Variants in NRDE2 observed in about 807,000 individuals in gnomAD.
NRDE2 encodes NRDE-2, necessary for RNA interference, domain containing, also known as nuclear exosome regulator NRDE2.
NRDE2 carries 76 observed loss-of-function variants against 124.2 expected under a neutral mutation model. The ratio of observed to expected loss-of-function variants is 0.61; its 90% CI spans 0.51 to 0.74. The LOEUF (loss-of-function observed/expected upper bound fraction) is 0.74, where lower values mean the gene tolerates loss of function less well. NRDE2 is among the 30% of genes least tolerant of loss of function. The pLI, the probability that NRDE2 is intolerant of heterozygous loss-of-function variation, is 0.00. For synonymous variants in NRDE2, 489 were observed against 528.1 expected, an observed-to-expected ratio of 0.93 and a Z score of 1.01; for missense variants, 1,314 against 1,417.3, an observed-to-expected ratio of 0.93 and a Z score of 1.17.
intron 3 of NRDE2, among the ~76,000 whole-genome samples, chr14:90,314,492 G>A (rs1168120597): frequency 3.3e-5 from 5 of 152,196 alleles, no homozygotes; most frequent in Non-Finnish European, 7.3e-5. Context: ...TCAAGAGGCT[G>A]TAAAGATTCC....
At chr14:90,308,120 T>G (rs990971538) in intron 4 of NRDE2, among the ~76,000 whole-genome samples, 8 of 152,174 alleles carry the variant, frequency 5.3e-5, no homozygotes, top group African/African-American at 1.9e-4. Context: ...AATTATTATT[T>G]TTATCAAAGT....
In NRDE2 at chr14:90,270,453, G is replaced by A; in HGVS notation, c.*7883C>T. On this transcript the variant is annotated 3_prime_UTR_variant, in exon 14 of 14. Coordinates refer to ENST00000354366, the MANE Select transcript of NRDE2 (RefSeq NM_017970.4). ...GATGGTGGTTGGCCTGGACAGGTGG[G>A]TGTCTGTATTTTAATCATCATATTG... 1 of 1,307,236 alleles carries A rather than the reference G, an allele frequency of 7.6e-7. No homozygotes were observed. The highest frequency in any genetic ancestry group is 2.5e-5 in the East Asian group (1 of 39,578). The allele number at this position is 1,307,236 out of a possible 1,614,324, so 81.0% of individuals were successfully genotyped here. A position where few individuals can be genotyped will look rare whatever the true frequency, so the allele number is the denominator to read the frequency against.
chr14:90,304,453 T>A, intron 4 of NRDE2, 71 bp from the exon 5 acceptor site: 3 of 1,165,338 alleles, frequency 2.6e-6, no homozygotes, highest in Non-Finnish European at 3.6e-6. Context: ...AAAGGCGCAT[T>A]AGACCTAAAC....
At chr14:90,282,793 G>A (rs546824547) in intron 12 of NRDE2, among the ~76,000 whole-genome samples, 1 of 152,076 alleles carries the variant, frequency 6.6e-6, no homozygotes, top group African/African-American at 2.4e-5. Flanking sequence ...TTAGCCTCCC[G>A]AGTAGCTGGG....
intron 10 of NRDE2, 89 bp from the exon 11 acceptor site, chr14:90,289,234 AG>A: frequency 9.4e-7 from 1 of 1,061,524 alleles, no homozygotes; most frequent in Non-Finnish European, 1.4e-6. Context: ...ACAGGAAAAA[AG>A]GCGTCTACGC....
intron 1 of NRDE2, among the ~76,000 whole-genome samples, chr14:90,321,565 AAAAG>A (rs1885243648): frequency 6.6e-6 from 1 of 151,500 alleles, no homozygotes. Flanking sequence ...AAAAAAAAAA[AAAAG>A]AAAAGAAAAA....
intron 8 of NRDE2, among the ~76,000 whole-genome samples, chr14:90,295,797 CCTTT>C (rs1459968943): frequency 1.3e-5 from 2 of 152,156 alleles, no homozygotes; most frequent in African/African-American, 2.4e-5. Context: ...AAATTTTCAG[CCTTT>C]CTTTTGACCC....
At position 90,306,025 on chromosome 14, in the gene NRDE2, T is replaced by C. The variant is rs535371189; in HGVS notation, c.558-1643A>G. On this transcript the variant is annotated intron_variant, in intron 4 of 13. Coordinates refer to ENST00000354366, the MANE Select transcript of NRDE2 (RefSeq NM_017970.4). ...GCATCAAAAAAATAGGATGGGCTGA[T>C]GGATGGACACATATGACAAAACAAG... 5.3e-5 allele frequency among the ~76,000 whole-genome samples: 8 copies of C among 152,316 alleles called. No homozygotes were observed. The South Asian group carries it at 1.2e-3, about 24-fold the overall frequency.
chr14:90,308,620 A>G (rs1884705854), intron 4 of NRDE2, among the ~76,000 whole-genome samples: 1 of 152,148 alleles, frequency 6.6e-6, no homozygotes, highest in Admixed American at 6.5e-5. Context: ...GTCAAATCCT[A>G]ACCGTTCACC....
intron 9 of NRDE2, among the ~76,000 whole-genome samples, chr14:90,291,547 C>T (rs1040753590): frequency 2.0e-5 from 3 of 152,198 alleles, no homozygotes; most frequent in African/African-American, 7.2e-5. Flanking sequence ...GTGAACTCTA[C>T]AAAATCCTCA....
Position 90,289,157 on chromosome 14 carries a change from AAG to A in NRDE2, c.2230-14_2230-13del. 6.3e-7 allele frequency: 1 copy of A among 1,581,368 alleles called. No individual in the cohort carries two copies. Among genetic ancestry groups the A allele is most frequent in the Non-Finnish European group, 8.6e-7 (1 of 1,158,530 alleles). ...AGGCACCAAATGACCTACAGGGAAA[AAG>A]AGAAGAATGACTGCAGGTGCTCTGT... On this transcript the variant is annotated splice_polypyrimidine_tract_variant and intron_variant, in intron 10 of 13. Transcript: ENST00000354366.
At chr14:90,286,631 G>A in intron 11 of NRDE2, 139 bp from the exon 12 acceptor site, 3 of 1,108,688 alleles carry the variant, frequency 2.7e-6, no homozygotes, top group Non-Finnish European at 3.8e-6. Context: ...CTCAGGCGTA[G>A]AGCGCTGTGT....
At chr14:90,286,677 C>T (rs1185575287) in intron 11 of NRDE2, among the ~76,000 whole-genome samples, 185 bp from the exon 12 acceptor site, 1 of 152,196 alleles carries the variant, frequency 6.6e-6, no homozygotes. Flanking sequence ...AGGCACAGGC[C>T]AGAGTTCTGT....
At chr14:90,295,325 G>GTA (rs1313642618) in intron 8 of NRDE2, among the ~76,000 whole-genome samples, 1 of 152,014 alleles carries the variant, frequency 6.6e-6, no homozygotes, top group Non-Finnish European at 1.5e-5. Flanking sequence ...AATATATTGT[G>GTA]TATATTAGCA....
chr14:90,318,672 C>T (rs192987629), intron 1 of NRDE2, among the ~76,000 whole-genome samples: 122 of 152,066 alleles, frequency 8.0e-4, no homozygotes, highest in Middle Eastern at 3.4e-3. Context: ...TGGTAGCACA[C>T]GCCTGTAATC....
chr14:90,283,921 C>T (rs977545292), intron 12 of NRDE2, among the ~76,000 whole-genome samples: 1 of 152,066 alleles, frequency 6.6e-6, no homozygotes, highest in African/African-American at 2.4e-5. Flanking sequence ...CCGTGTTAGC[C>T]AAGATGGTCT....
chr14:90,324,620 G>A (rs187396687), intron 1 of NRDE2, among the ~76,000 whole-genome samples: 1 of 149,606 alleles, frequency 6.7e-6, no homozygotes, highest in Non-Finnish European at 1.5e-5. Flanking sequence ...AGGTTGCAGT[G>A]AGTGGAGACG....
At chr14:90,312,014 G>A (rs1884859418) in intron 4 of NRDE2, among the ~76,000 whole-genome samples, 1 of 152,188 alleles carries the variant, frequency 6.6e-6, no homozygotes, top group Admixed American at 6.5e-5. Context: ...AATGACAGAT[G>A]TGGGGAGTGG....
chr14:90,299,549 T>G (rs1884312205), intron 7 of NRDE2, among the ~76,000 whole-genome samples: 1 of 152,150 alleles, frequency 6.6e-6, no homozygotes, highest in Admixed American at 6.5e-5. Context: ...AGTGAAAGCT[T>G]TTGTAAGAAA....
Sources: allele counts gnomAD v4.1 joint callset (sites outside exome capture counted in the v4.1 genomes callset), GRCh38; gene constraint gnomAD v4.1.1; transcripts MANE v1.5; gene names NCBI Gene and HGNC (gene_info 2026-07-23, HGNC 2026-07-21).